The following FHIT variants were observed in gnomAD, a reference collection of about 807,000 sequenced individuals.
FHIT encodes the protein fragile histidine triad diadenosine triphosphatase, also known as bis(5'-adenosyl)-triphosphatase.
A neutral mutation model predicts 17.9 loss-of-function variants in FHIT; 19 were observed. The ratio of observed to expected loss-of-function variants is 1.06; its 90% CI spans 0.74 to 1.56. FHIT has a LOEUF of 1.56. Ranked by LOEUF, FHIT falls within the 40% of genes most tolerant of loss-of-function variation. The pLI is 0.00. For synonymous variants in FHIT, 81 were observed against 69.7 expected, an observed-to-expected ratio of 1.16 and a Z score of -0.81; for missense variants, 248 against 189.2, an observed-to-expected ratio of 1.31 and a Z score of -1.82.
rs13077792 is a variant in FHIT, at chr3:60,058,129, T to C, written c.104-43977A>G. The stretch of plus-strand genomic sequence containing the variant: ...TTATTGTATAATGAGTACAGAGTTG[T>C]GTTTTTTTTTTTTTTTTTTTTTTTT... On this transcript the variant is annotated intron_variant, in intron 5 of 9. Transcript: ENST00000492590. 2.8e-3 allele frequency among the ~76,000 whole-genome samples: 362 copies of C among 127,824 alleles called. 1 individual carries two copies. Among genetic ancestry groups the C allele is most frequent in the African/African-American group, 0.01 (339 of 33,374 alleles). 83.9% of individuals were successfully genotyped at this position (127,824 alleles called of 152,430 possible).
intron 3 of FHIT, among the ~76,000 whole-genome samples, chr3:61,004,186 T>C (rs1054429947): frequency 1.3e-5 from 2 of 152,100 alleles, no homozygotes; most frequent in African/African-American, 4.8e-5. Flanking sequence ...AAACAAAAGT[T>C]CTGAATATCT....
At chr3:59,991,919 G>T (rs891417757) in intron 7 of FHIT, among the ~76,000 whole-genome samples, 1 of 151,996 alleles carries the variant, frequency 6.6e-6, no homozygotes, top group African/African-American at 2.4e-5. Context: ...AACTTCCCTT[G>T]AACTCTTTAA....
At chr3:60,518,082 AC>A (rs1443272120) in intron 5 of FHIT, among the ~76,000 whole-genome samples, 1 of 152,204 alleles carries the variant, frequency 6.6e-6, no homozygotes, top group Non-Finnish European at 1.5e-5. Flanking sequence ...ACAAGAAAAT[AC>A]GCACAAATAT....
intron 2 of FHIT, among the ~76,000 whole-genome samples, chr3:61,091,969 A>T (rs573924674): frequency 6.0e-5 from 9 of 149,974 alleles, no homozygotes; most frequent in African/African-American, 2.0e-4. Context: ...AAAAAGAAGC[A>T]ACAGGAGTCA....
At chr3:60,411,942 A>T (rs966355088) in intron 5 of FHIT, among the ~76,000 whole-genome samples, 6 of 152,222 alleles carry the variant, frequency 3.9e-5, no homozygotes, top group African/African-American at 9.6e-5. Flanking sequence ...ATGTTTTTTT[A>T]AAAAATCATT....
At chr3:60,445,341 G>C (rs756512378) in intron 5 of FHIT, among the ~76,000 whole-genome samples, 34 of 152,018 alleles carry the variant, frequency 2.2e-4, no homozygotes, top group Non-Finnish European at 4.4e-4. Flanking sequence ...ATCACAGACT[G>C]TATCTAAAAT....
chr3:60,632,123 C>T (rs373382558), intron 4 of FHIT, among the ~76,000 whole-genome samples: 2 of 151,396 alleles, frequency 1.3e-5, no homozygotes, highest in East Asian at 3.9e-4. Flanking sequence ...ATTGCAACTA[C>T]TAAGTTTCAA....
intron 8 of FHIT, among the ~76,000 whole-genome samples, chr3:59,824,908 G>C (rs1211061607): frequency 6.6e-6 from 1 of 152,084 alleles, no homozygotes; most frequent in African/African-American, 2.4e-5. Context: ...AATTTCTTTT[G>C]GTTATCTTTC....
At chr3:60,012,266 G>GTTTTTTTTTTTTTTTTT (rs769497004) in intron 6 of FHIT, among the ~76,000 whole-genome samples, 2 of 112,484 alleles carry the variant, frequency 1.8e-5, no homozygotes, top group Non-Finnish European at 1.8e-5. Context: ...TTTTTTTGTT[G>GTTTTTTTTTTTTTTTTT]TTTTTTTTTT....
chr3:60,345,857 C>T (rs115573162), intron 5 of FHIT, among the ~76,000 whole-genome samples: 22,465 of 152,072 alleles, frequency 0.15, 1,721 homozygotes, highest in Non-Finnish European at 0.16. Context: ...CAGTTACTAA[C>T]ATATTTGTAT....
At chr3:59,790,526 CTCTG>C (rs67436547) in intron 8 of FHIT, among the ~76,000 whole-genome samples, 25,326 of 133,656 alleles carry the variant, frequency 0.19, 2,222 homozygotes, top group African/African-American at 0.25. Flanking sequence ...CTCTCTCTCT[CTCTG>C]TGTGTGTGTG....
At chr3:60,452,179 G>A (rs1001844533) in intron 5 of FHIT, among the ~76,000 whole-genome samples, 2 of 152,132 alleles carry the variant, frequency 1.3e-5, no homozygotes, top group African/African-American at 4.8e-5. Context: ...AATTTACAGT[G>A]CAACTCTAAG....
At chr3:60,367,262 G>A (rs1379468782) in intron 5 of FHIT, among the ~76,000 whole-genome samples, 1 of 152,132 alleles carries the variant, frequency 6.6e-6, no homozygotes, top group Non-Finnish European at 1.5e-5. Context: ...CCAAATGAAT[G>A]GCTTCAATTA....
intron 5 of FHIT, among the ~76,000 whole-genome samples, chr3:60,430,589 C>G (rs997612439): frequency 2.0e-5 from 3 of 152,032 alleles, no homozygotes; most frequent in Non-Finnish European, 4.4e-5. Context: ...ATTTTATTCT[C>G]TTATATCATT....
At chr3:61,051,086 A>G (rs2034008229) in intron 2 of FHIT, among the ~76,000 whole-genome samples, 2 of 152,200 alleles carry the variant, frequency 1.3e-5, no homozygotes, top group South Asian at 4.1e-4. Context: ...ATTATGACAT[A>G]TATCCCAATT....
At chr3:61,045,875 G>C (rs552056282) in intron 2 of FHIT, among the ~76,000 whole-genome samples, 2 of 152,040 alleles carry the variant, frequency 1.3e-5, no homozygotes, top group Non-Finnish European at 2.9e-5. Flanking sequence ...TGAACAACCT[G>C]CTCCTAAATG....
At chr3:61,158,816 A>T (rs1235042194) in intron 2 of FHIT, among the ~76,000 whole-genome samples, 1 of 152,240 alleles carries the variant, frequency 6.6e-6, no homozygotes, top group East Asian at 1.9e-4. Flanking sequence ...AAAGCTCATA[A>T]ACTATGTCAG....
At chr3:60,618,409 T>C (rs1553676821) in intron 4 of FHIT, among the ~76,000 whole-genome samples, 1 of 152,104 alleles carries the variant, frequency 6.6e-6, no homozygotes. Context: ...CATCCATTAG[T>C]TACTCTTCCT....
chr3:60,555,320 C>T (rs913654060), intron 4 of FHIT, among the ~76,000 whole-genome samples: 2 of 152,164 alleles, frequency 1.3e-5, no homozygotes, highest in African/African-American at 4.8e-5. Flanking sequence ...TTTACTGTAG[C>T]TGAGAGGTTC....
Sources: gnomAD v4.1 joint callset for allele counts (sites outside exome capture counted in the v4.1 genomes callset) on GRCh38, gnomAD v4.1.1 for gene constraint, MANE v1.5 for transcripts, NCBI Gene and HGNC (gene_info 2026-07-23, HGNC 2026-07-21) for gene names.